The following BBS9 variants were observed in gnomAD, a reference collection of about 807,000 sequenced individuals.
The protein encoded by BBS9 is protein PTHB1.
In BBS9, 89 loss-of-function variants were observed where a neutral mutation model predicts 117.7. That is an observed-to-expected ratio of 0.76 (90% CI 0.64 to 0.90). The LOEUF (loss-of-function observed/expected upper bound fraction) is 0.90, where lower values mean the gene tolerates loss of function less well. Among genes scored for constraint, BBS9 ranks in the 40% least tolerant of loss-of-function variants. BBS9 has a pLI of 0.00. For missense variants in BBS9, 982 were observed against 1,042.2 expected, an observed-to-expected ratio of 0.94 and a Z score of 0.80; for synonymous variants, 379 against 370.9, an observed-to-expected ratio of 1.02 and a Z score of -0.25.
chr7:33,255,943 G>A (rs1796978379), intron 5 of BBS9, among the ~76,000 whole-genome samples: 1 of 151,878 alleles, frequency 6.6e-6, no homozygotes, highest in Non-Finnish European at 1.5e-5. Context: ...GGATCATGAG[G>A]TCAAGAGATC....
At chr7:33,336,701 G>A (rs961792713) in intron 10 of BBS9, 79 bp downstream of exon 10, 5 of 1,072,496 alleles carry the variant, frequency 4.7e-6, no homozygotes, top group African/African-American at 1.6e-5. Context: ...ATTATTTTGT[G>A]TATTTGTTAA....
chr7:33,244,805 C>A (rs1795081629), intron 5 of BBS9, among the ~76,000 whole-genome samples: 1 of 152,182 alleles, frequency 6.6e-6, no homozygotes, highest in Admixed American at 6.5e-5. Flanking sequence ...AAAACCTTAT[C>A]ATCTTGTGTT....
In BBS9 at chr7:33,224,100, T is replaced by C. The variant is rs1021909927; in HGVS notation, c.443-33136T>C. Among the ~76,000 whole-genome samples the C allele has an allele frequency of 2.6e-5, 4 of 152,320 alleles. No homozygotes were observed. The East Asian group carries it at 7.7e-4, about 29-fold the overall frequency. Reference sequence around the variant, plus strand: ...ATTAGTCAGATTTGTATTTTTAAAATTCTGATATGAAATATTTATTATTTA... The same window carrying C: ...ATTAGTCAGATTTGTATTTTTAAAACTCTGATATGAAATATTTATTATTTA... On this transcript the variant is annotated intron_variant, in intron 5 of 22. Transcript: ENST00000242067.
At chr7:33,239,847 A>T (rs1478120535) in intron 5 of BBS9, among the ~76,000 whole-genome samples, 1 of 152,040 alleles carries the variant, frequency 6.6e-6, no homozygotes, top group Non-Finnish European at 1.5e-5. Context: ...CTCTAAAAAA[A>T]TATAAAAAAT....
intron 15 of BBS9, among the ~76,000 whole-genome samples, chr7:33,355,254 C>G (rs1029419923): frequency 4.6e-5 from 7 of 151,896 alleles, no homozygotes; most frequent in African/African-American, 7.3e-5. Flanking sequence ...ATAATTACAG[C>G]CTGAAGAGTA....
intron 21 of BBS9, among the ~76,000 whole-genome samples, chr7:33,632,566 G>C (rs1235421519): frequency 6.6e-6 from 1 of 152,230 alleles, no homozygotes; most frequent in African/African-American, 2.4e-5. Context: ...CCTCCCTCTG[G>C]GTTCGCCGGA....
intron 15 of BBS9, among the ~76,000 whole-genome samples, chr7:33,355,216 A>G (rs1819412667): frequency 1.3e-5 from 2 of 152,092 alleles, no homozygotes; most frequent in South Asian, 2.1e-4. Flanking sequence ...ACATGCCTCT[A>G]TGAGTCTTTG....
intron 19 of BBS9, among the ~76,000 whole-genome samples, chr7:33,447,008 T>C (rs1237430844): frequency 6.6e-6 from 1 of 152,178 alleles, no homozygotes; most frequent in African/African-American, 2.4e-5. Flanking sequence ...AAGAAACTAA[T>C]GAATTTATAT....
intron 21 of BBS9, among the ~76,000 whole-genome samples, chr7:33,562,071 T>C (rs552359820): frequency 6.6e-6 from 1 of 152,366 alleles, no homozygotes; most frequent in East Asian, 1.9e-4. Flanking sequence ...AACTTCAATT[T>C]CAAAGTAGGA....
At chr7:33,214,418 G>A (rs77682716) in intron 5 of BBS9, among the ~76,000 whole-genome samples, 9,738 of 152,234 alleles carry the variant, frequency 0.064, 430 homozygotes, top group Non-Finnish European at 0.091. Context: ...ACTGTAGTTG[G>A]TCATCTGATT....
rs181276123 is a variant in BBS9 at position 33,527,568 on chromosome 7, C to T, written c.2299-6386C>T. ...GGAAAGGGAACTCCCTGACCCCTTG[C>T]GCTTCCCAAGTGAGGCAATGCCTCG... On this transcript the variant is annotated intron_variant, in intron 20 of 22. Transcript: ENST00000242067. Among the ~76,000 whole-genome samples the T allele has an allele frequency of 6.6e-3, 1,011 of 152,358 alleles. 12 individuals are homozygous for T. The highest frequency in any genetic ancestry group is 0.053 in the South Asian group (254 of 4,828).
chr7:33,464,200 CAG>C (rs1380808178), intron 19 of BBS9, among the ~76,000 whole-genome samples: 7 of 151,974 alleles, frequency 4.6e-5, no homozygotes, highest in Non-Finnish European at 1.0e-4. Context: ...TAACTAAAGA[CAG>C]ACATTATCAG....
At chr7:33,424,762 T>A (rs988201256) in intron 19 of BBS9, among the ~76,000 whole-genome samples, 2 of 149,336 alleles carry the variant, frequency 1.3e-5, no homozygotes, top group African/African-American at 5.1e-5. Context: ...AATTATAAGA[T>A]TTTTTTTAAT....
At chr7:33,509,443 G>A (rs1015864453) in intron 20 of BBS9, among the ~76,000 whole-genome samples, 1 of 152,114 alleles carries the variant, frequency 6.6e-6, no homozygotes, top group Non-Finnish European at 1.5e-5. Flanking sequence ...GGGAAGAAAG[G>A]ACTCTCTTAC....
chr7:33,310,221 CT>C (rs1808921835), intron 9 of BBS9, among the ~76,000 whole-genome samples: 1 of 152,148 alleles, frequency 6.6e-6, no homozygotes, highest in African/African-American at 2.4e-5. Context: ...TAGGAATCAT[CT>C]TTGATTTCTT....
intron 5 of BBS9, among the ~76,000 whole-genome samples, chr7:33,220,088 C>T (rs1390623933): frequency 2.0e-5 from 3 of 152,150 alleles, no homozygotes; most frequent in Non-Finnish European, 2.9e-5. Context: ...TTCTTGAAGT[C>T]AGTGAGACCA....
At chr7:33,164,457 G>A (rs753358849) in intron 4 of BBS9, among the ~76,000 whole-genome samples, 8 of 152,140 alleles carry the variant, frequency 5.3e-5, no homozygotes, top group African/African-American at 7.2e-5. Context: ...ATTATTGTGT[G>A]GGAGTCTAAG....
chr7:33,132,577 T>TA (rs1431424814), intron 1 of BBS9, among the ~76,000 whole-genome samples: 1 of 152,176 alleles, frequency 6.6e-6, no homozygotes, highest in Non-Finnish European at 1.5e-5. Flanking sequence ...TAAACTGAAT[T>TA]AAAAAAACAT....
chr7:33,342,221 A>C (rs1031996059), intron 11 of BBS9, among the ~76,000 whole-genome samples: 2 of 152,112 alleles, frequency 1.3e-5, no homozygotes, highest in Admixed American at 1.3e-4. Context: ...GTAGGACTAT[A>C]TATGAAAGAA....
Sources: allele counts gnomAD v4.1 joint callset (sites outside exome capture counted in the v4.1 genomes callset), GRCh38; gene constraint gnomAD v4.1.1; transcripts MANE v1.5; gene names NCBI Gene and HGNC (gene_info 2026-07-23, HGNC 2026-07-21).